The following TMEM130 variants were observed in gnomAD, a reference collection of about 807,000 sequenced individuals.
TMEM130 encodes transmembrane protein 130.
Under a neutral mutation model 42.9 loss-of-function variants are expected in TMEM130, and 37 were observed. The observed-to-expected ratio is 0.86, with a 90% CI of 0.66 to 1.13. TMEM130 has a LOEUF of 1.13. Among genes scored for constraint, TMEM130 ranks in the 50% most tolerant of loss-of-function variants. TMEM130 has a pLI of 0.00. For missense variants in TMEM130, 545 were observed against 562.6 expected, an observed-to-expected ratio of 0.97 and a Z score of 0.32; for synonymous variants, 259 against 237.7, an observed-to-expected ratio of 1.09 and a Z score of -0.82.
intron 1 of TMEM130, among the ~76,000 whole-genome samples, chr7:98,868,592 A>T (rs576959491): frequency 2.0e-5 from 3 of 152,166 alleles, no homozygotes; most frequent in Non-Finnish European, 4.4e-5. Flanking sequence ...CAAATCCCTG[A>T]TTCATGGACT....
chr7:98,850,661 G>A (rs896138245), intron 6 of TMEM130, among the ~76,000 whole-genome samples: 13 of 151,912 alleles, frequency 8.6e-5, no homozygotes, highest in South Asian at 6.2e-4. Context: ...CAGTCCACCC[G>A]CCTCAGCCTC....
chr7:98,869,829 G>T lies in TMEM130; in HGVS notation c.33C>A (p.Arg11=). The T allele has an allele frequency of 6.9e-7, 1 of 1,446,894 alleles. No homozygotes were observed. The highest frequency in any genetic ancestry group is 3.0e-5 in the East Asian group (1 of 33,328). 89.6% of individuals were successfully genotyped at this position (1,446,894 alleles called of 1,614,324 possible). Residue 11 remains arginine (R), a synonymous_variant, in exon 1 of 8, where the codon CGC becomes CGA. Transcript: ENST00000339375. This position sits in a 1 kb window ranked among gnomAD's most constrained non-coding sequence, Gnocchi z 4.7. ...GCAGGAGGCAGGCAAGCCAGAGGAT[G>T]CGGCCGAGGCGCGACCACACTGCCT... MAQAVWSRLG[R]ILWLACLLPW...
At position 98,851,524 on chromosome 7, in the gene TMEM130, C is replaced by T; in HGVS notation, c.903G>A (p.Leu301=). The T allele has an allele frequency of 6.2e-7, 1 of 1,614,064 alleles. No homozygotes were observed. Among genetic ancestry groups the T allele is most frequent in the African/African-American group, 1.3e-5 (1 of 75,008 alleles). ...CCCCAGGGTCCCTGAAGGTGTGGGT[C>T]AGGTTGTACGCTGTGCTGGCCACGG... ...PVSVASTAYN[L]THTFRDPGDY... Residue 301 remains leucine (L), a synonymous_variant, in exon 6 of 8, where the codon CTG becomes CTA. Transcript: ENST00000339375.
At chr7:98,865,446 TAAA>T (rs1794885922) in intron 1 of TMEM130, among the ~76,000 whole-genome samples, 1 of 152,078 alleles carries the variant, frequency 6.6e-6, no homozygotes, top group African/African-American at 2.4e-5. Flanking sequence ...CCGTTTCTAC[TAAA>T]AATACAAAAT....
chr7:98,860,376 G>A (rs782541302), intron 2 of TMEM130, 38 bp from the exon 3 acceptor site: 2 of 1,545,778 alleles, frequency 1.3e-6, no homozygotes, highest in Non-Finnish European at 1.8e-6. Context: ...GAGTCTTGGA[G>A]ATTCAGGGAT....
At chr7:98,850,274 T>TATATATA (rs1491493786) in intron 6 of TMEM130, among the ~76,000 whole-genome samples, 1 of 31,226 alleles carries the variant, frequency 3.2e-5, no homozygotes, top group African/African-American at 9.4e-5. Context: ...TATATATATA[T>TATATATA]TTTTTTTTTT....
chr7:98,850,273 A>ATATATATATATATTTTTTTTTT, intron 6 of TMEM130, among the ~76,000 whole-genome samples: 1 of 35,468 alleles, frequency 2.8e-5, no homozygotes, highest in African/African-American at 7.6e-5. Flanking sequence ...ATATATATAT[A>ATATATATATATATTTTTTTTTT]TTTTTTTTTT....
At chr7:98,867,000 G>A (rs1372213176) in intron 1 of TMEM130, 2 of 152,104 alleles carry the variant, frequency 1.3e-5, no homozygotes, top group African/African-American at 4.8e-5. Flanking sequence ...GGAAGGCTGA[G>A]GCAGGAGGAT....
At chr7:98,863,934 G>A (rs1319782334) in intron 1 of TMEM130, among the ~76,000 whole-genome samples, 1 of 146,162 alleles carries the variant, frequency 6.8e-6, no homozygotes, top group African/African-American at 2.5e-5. Context: ...ATCTCACTCT[G>A]TAACCCAGAC....
Position 98,855,346 on chromosome 7 carries a change from G to A in TMEM130, c.719-22C>T, listed in dbSNP as rs571160275. 152 of 1,599,494 alleles carry A rather than the reference G, an allele frequency of 9.5e-5. 1 individual carries two copies. In the East Asian group the frequency reaches 1.2e-3, roughly 13 times the overall value. ...GTTTCTGTAAGGCAGAGAGAACCCC[G>A]TTAGACCTGGTGGCTAAGGATTGCT... On this transcript the variant is annotated intron_variant, in intron 4 of 7. Transcript: ENST00000339375.
intron 1 of TMEM130, among the ~76,000 whole-genome samples, chr7:98,865,333 C>T (rs1304818286): frequency 6.6e-6 from 1 of 152,186 alleles, no homozygotes; most frequent in East Asian, 1.9e-4. Flanking sequence ...GCTGGCCAGG[C>T]GTGGTGGCTC....
Position 98,869,798 on chromosome 7 carries a change from C to T in TMEM130, c.64G>A (p.Ala22Thr). ...TTACCTGCGGCCACCCCTGCCGGGG[C>T]CCAGGGCAGGAGGCAGGCAAGCCAG... ...ILWLACLLPW[A>T]PAGVAAGLYE... The change falls in exon 1 of 8, where the codon GCC becomes ACC. Residue 22 changes from alanine to threonine, a missense_variant. Coordinates refer to ENST00000339375, the MANE Select transcript of TMEM130 (RefSeq NM_152913.3). This position sits in a 1 kb window ranked among gnomAD's most constrained non-coding sequence, Gnocchi z 4.7. The T allele has an allele frequency of 7.0e-7, 1 of 1,433,420 alleles. No homozygotes were observed. The highest frequency in any genetic ancestry group is 9.1e-7 in the Non-Finnish European group (1 of 1,094,424). The allele number at this position is 1,433,420 out of a possible 1,614,324, so 88.8% of individuals were successfully genotyped here. A position where few individuals can be genotyped will look rare whatever the true frequency, so the allele number is the denominator to read the frequency against.
chr7:98,869,752 G>T lies in TMEM130; in HGVS notation c.85+25C>A. 7.4e-7 allele frequency: 1 copy of T among 1,357,954 alleles called. No homozygotes were observed. Among genetic ancestry groups the T allele is most frequent in the Non-Finnish European group, 9.5e-7 (1 of 1,057,160 alleles). 84.1% of individuals were successfully genotyped at this position (1,357,954 alleles called of 1,614,324 possible). A position where few individuals can be genotyped will look rare whatever the true frequency, so the allele number is the denominator to read the frequency against. The stretch of plus-strand genomic sequence containing the variant: ...GCCCCGGGCGGGCTGCGGCTGCAGG[G>T]AGGCCGGATTGCCCAGCGCCTTACC... On this transcript the variant is annotated intron_variant, in intron 1 of 7. Coordinates refer to ENST00000339375, the MANE Select transcript of TMEM130 (RefSeq NM_152913.3). This position sits in a 1 kb window ranked among gnomAD's most constrained non-coding sequence, Gnocchi z 4.7.
chr7:98,863,255 G>A lies in TMEM130; in HGVS notation c.231C>T (p.Thr77=). 1 of 1,614,062 alleles carries A rather than the reference G, an allele frequency of 6.2e-7. No homozygotes were observed. The highest frequency in any genetic ancestry group is 1.1e-5 in the South Asian group (1 of 91,080). ...CCATCTTGCCAGTAAGCACCAGCGG[G>A]GTGTGGATCCAGTGGAAGCGGTAGA... ...AHLYRFHWIH[T]PLVLTGKMEK... Residue 77 remains threonine (T), a synonymous_variant, in exon 2 of 8, where the codon ACC becomes ACT. Coordinates refer to ENST00000339375, the MANE Select transcript of TMEM130 (RefSeq NM_152913.3).
chr7:98,848,031 G>A lies in TMEM130; in HGVS notation c.*25C>T, dbSNP rs1554397597. ...TCCAAGTCAGCAGTCAGTTAACACTGAGATGGGGTGGGGAGGGGGAGTGCT... is the reference window on the plus strand; with the variant it reads ...TCCAAGTCAGCAGTCAGTTAACACTAAGATGGGGTGGGGAGGGGGAGTGCT... On this transcript the variant is annotated 3_prime_UTR_variant, in exon 8 of 8. Transcript: ENST00000339375. The A allele has an allele frequency of 6.2e-7, 1 of 1,603,516 alleles. No homozygotes were observed. The highest frequency in any genetic ancestry group is 1.1e-5 in the South Asian group (1 of 89,360).
intron 1 of TMEM130, chr7:98,866,883 G>A (rs1474271724): frequency 6.6e-5 from 10 of 152,046 alleles, no homozygotes; most frequent in Admixed American, 5.9e-4. Flanking sequence ...CTTGAGCCCA[G>A]GAGTTTTAGA....
chr7:98,867,116 A>G (rs1794928365), intron 1 of TMEM130, among the ~76,000 whole-genome samples: 1 of 151,984 alleles, frequency 6.6e-6, no homozygotes, highest in South Asian at 2.1e-4. Flanking sequence ...AAATAAATAA[A>G]AATCAAGTCA....
intron 7 of TMEM130, 74 bp downstream of exon 7, chr7:98,848,509 G>T: frequency 9.0e-7 from 1 of 1,108,406 alleles, no homozygotes; most frequent in Non-Finnish European, 1.4e-6. Context: ...TCCTGGCCTG[G>T]CCCCCATACC....
chr7:98,856,955 C>T (rs1282436531), intron 3 of TMEM130, among the ~76,000 whole-genome samples: 1 of 151,362 alleles, frequency 6.6e-6, no homozygotes, highest in Non-Finnish European at 1.5e-5. Flanking sequence ...AGGTTCTGCT[C>T]TGTTGCCCTG....
Sources: gnomAD v4.1 joint callset for allele counts (sites outside exome capture counted in the v4.1 genomes callset) on GRCh38, gnomAD v4.1.1 for gene constraint, Gnocchi (gnomAD v3.1) non-coding constraint, MANE v1.5 for transcripts, NCBI Gene and HGNC (gene_info 2026-07-23, HGNC 2026-07-21) for gene names.